The following TBC1D32 variants were observed in gnomAD, a reference collection of about 807,000 sequenced individuals.
TBC1D32 encodes TBC1 domain family member 32.
In TBC1D32, 151 loss-of-function variants were observed where a neutral mutation model predicts 170.3. That is an observed-to-expected ratio of 0.89 (90% CI 0.78 to 1.01). The LOEUF (loss-of-function observed/expected upper bound fraction) is 1.01, where lower values mean the gene tolerates loss of function less well. Ranked by LOEUF, TBC1D32 falls within the 50% of genes least tolerant of loss-of-function variation. The probability of loss-of-function intolerance (pLI) is 0.00; values close to 1 mark genes in which losing one functional copy is unlikely to be tolerated. For synonymous variants in TBC1D32, 498 were observed against 488.0 expected (o/e 1.02, Z -0.27); for missense variants, 1,464 against 1,457.1 (o/e 1.00, Z -0.08).
chr6:121,144,686 T>A (rs1356984001), intron 24 of TBC1D32, among the ~76,000 whole-genome samples: 1 of 152,084 alleles, frequency 6.6e-6, no homozygotes, highest in Non-Finnish European at 1.5e-5. Flanking sequence ...ACATGAGATA[T>A]GAGTTCAAGG....
At chr6:121,119,195 C>T (rs9320791) in intron 26 of TBC1D32, among the ~76,000 whole-genome samples, 99,253 of 152,094 alleles carry the variant, frequency 0.65, 37,396 homozygotes, top group Non-Finnish European at 0.84. Flanking sequence ...AAGCACATTG[C>T]CTGAAACCAA....
rs1332267394 is a variant in TBC1D32 at position 121,272,411 on chromosome 6, G to GA, written c.1733+6709dup. On this transcript the variant is annotated intron_variant, in intron 15 of 31. Transcript: ENST00000398212. ...ACAAAGAACTCAAACAAATTTACAA[G>GA]AAAAAAAACAAACAACCCCATCAAA... Among the ~76,000 whole-genome samples the GA allele has an allele frequency of 8.9e-3, 1,343 of 150,510 alleles. 27 individuals carry two copies. Among genetic ancestry groups the GA allele is most frequent in the African/African-American group, 0.031 (1,268 of 41,098 alleles).
At chr6:121,132,740 A>G (rs1277082322) in intron 24 of TBC1D32, among the ~76,000 whole-genome samples, 1 of 151,938 alleles carries the variant, frequency 6.6e-6, no homozygotes, top group African/African-American at 2.4e-5. Context: ...CTTTTCTTCT[A>G]AGTGAACTCA....
At chr6:121,142,258 T>C (rs1782888719) in intron 24 of TBC1D32, among the ~76,000 whole-genome samples, 1 of 152,254 alleles carries the variant, frequency 6.6e-6, no homozygotes, top group South Asian at 2.1e-4. Context: ...TGAATGTTTA[T>C]GCATAAGATC....
At chr6:121,119,892 T>G (rs1780079073) in intron 26 of TBC1D32, among the ~76,000 whole-genome samples, 1 of 152,120 alleles carries the variant, frequency 6.6e-6, no homozygotes, top group Non-Finnish European at 1.5e-5. Context: ...TGTCATTTCT[T>G]AAAAGATAAT....
intron 29 of TBC1D32, among the ~76,000 whole-genome samples, chr6:121,111,712 CATG>C (rs972227650): frequency 6.6e-6 from 1 of 151,854 alleles, no homozygotes; most frequent in Non-Finnish European, 1.5e-5. Context: ...TATTGTATTC[CATG>C]ATGAATTGAT....
intron 1 of TBC1D32, among the ~76,000 whole-genome samples, chr6:121,322,732 A>G (rs551236371): frequency 5.3e-5 from 8 of 152,200 alleles, no homozygotes; most frequent in Non-Finnish European, 1.0e-4. Flanking sequence ...ATCATCTGCA[A>G]TATCTTGTAC....
intron 21 of TBC1D32, among the ~76,000 whole-genome samples, chr6:121,218,742 TCATGGAAGAGA>T (rs1395458306): frequency 6.6e-6 from 1 of 152,158 alleles, no homozygotes; most frequent in Non-Finnish European, 1.5e-5. Flanking sequence ...ACACCATATG[TCATGGAAGAGA>T]CATGGTGGTA....
intron 15 of TBC1D32, among the ~76,000 whole-genome samples, chr6:121,261,665 G>C (rs1007363965): frequency 5.3e-5 from 8 of 152,156 alleles, no homozygotes; most frequent in Non-Finnish European, 1.5e-5. Context: ...AACTCATGAA[G>C]ATGAGAAAGA....
At chr6:121,128,221 C>T (rs1158049054) in intron 25 of TBC1D32, among the ~76,000 whole-genome samples, 1 of 152,090 alleles carries the variant, frequency 6.6e-6, no homozygotes, top group Non-Finnish European at 1.5e-5. Flanking sequence ...ATTCATTTTG[C>T]CCAGCAACCC....
At chr6:121,137,374 G>A (rs991184132) in intron 24 of TBC1D32, among the ~76,000 whole-genome samples, 1 of 151,046 alleles carries the variant, frequency 6.6e-6, no homozygotes, top group Non-Finnish European at 1.5e-5. Flanking sequence ...TCCCAAGAAA[G>A]GTTTGATTTA....
intron 20 of TBC1D32, among the ~76,000 whole-genome samples, chr6:121,227,038 C>G (rs1583297454): frequency 2.6e-5 from 4 of 152,000 alleles, no homozygotes; most frequent in Admixed American, 2.6e-4. Context: ...GTAACAATAG[C>G]TAATGAGCTA....
chr6:121,284,169 T>C (rs1163165721), intron 12 of TBC1D32, among the ~76,000 whole-genome samples: 1 of 152,064 alleles, frequency 6.6e-6, no homozygotes, highest in Non-Finnish European at 1.5e-5. Flanking sequence ...TCACTTAAGA[T>C]AAACCTATGC....
At chr6:121,139,004 C>G (rs1012006952) in intron 24 of TBC1D32, among the ~76,000 whole-genome samples, 2 of 152,012 alleles carry the variant, frequency 1.3e-5, no homozygotes, top group African/African-American at 4.8e-5. Flanking sequence ...GCCACCACGC[C>G]TGGCTAATTT....
At chr6:121,160,917 C>T in intron 23 of TBC1D32, 31 bp downstream of exon 23, 1 of 1,562,656 alleles carries the variant, frequency 6.4e-7, no homozygotes, top group Non-Finnish European at 8.8e-7. Context: ...GTCAGAAAAA[C>T]ACATCCCACT....
chr6:121,170,471 T>C, intron 22 of TBC1D32: 2 of 1,608,580 alleles, frequency 1.2e-6, no homozygotes, highest in Middle Eastern at 3.3e-4. Context: ...AGATACCTGA[T>C]ACTGAGCCTC....
chr6:121,316,156 T>G (rs1252289628), intron 3 of TBC1D32, among the ~76,000 whole-genome samples: 1 of 152,180 alleles, frequency 6.6e-6, no homozygotes, highest in Non-Finnish European at 1.5e-5. Flanking sequence ...AAATCTATCA[T>G]TTTAATGACT....
Position 121,080,545 on chromosome 6 carries a change from AAAGT to A in TBC1D32, c.*222_*225del, listed in dbSNP as rs1238998270. On this transcript the variant is annotated 3_prime_UTR_variant, in exon 32 of 32. Transcript: ENST00000398212. ...AACTCTTAAACATGAATAAGAACTA[AAAGT>A]AAGCTAGATCTGATTCTATAATAAC... 1 of 491,728 alleles carries A rather than the reference AAAGT, an allele frequency of 2.0e-6. No homozygotes were observed. Among genetic ancestry groups the A allele is most frequent in the Admixed American group, 4.1e-5 (1 of 24,452 alleles). The allele number at this position is 491,728 out of a possible 1,614,324, so 30.5% of individuals were successfully genotyped here. A position where few individuals can be genotyped will look rare whatever the true frequency, so the allele number is the denominator to read the frequency against.
intron 31 of TBC1D32, among the ~76,000 whole-genome samples, 158 bp from the exon 32 acceptor site, chr6:121,081,048 G>A (rs1775593922): frequency 6.6e-6 from 1 of 152,124 alleles, no homozygotes; most frequent in Non-Finnish European, 1.5e-5. Context: ...TATTTAGTGA[G>A]CTGTGCATAT....
Sources: gnomAD v4.1 joint callset for allele counts (sites outside exome capture counted in the v4.1 genomes callset) on GRCh38, gnomAD v4.1.1 for gene constraint, MANE v1.5 for transcripts, NCBI Gene and HGNC (gene_info 2026-07-23, HGNC 2026-07-21) for gene names.